RICTOR: variants seen among roughly 807,000 people sequenced by gnomAD.
The protein encoded by RICTOR is RPTOR independent companion of MTOR complex 2.
A neutral mutation model predicts 214.9 loss-of-function variants in RICTOR; 49 were observed. That is an observed-to-expected ratio of 0.23 (90% CI 0.18 to 0.29). RICTOR has a LOEUF of 0.29. Among genes scored for constraint, RICTOR ranks in the 10% least tolerant of loss-of-function variants. The probability of loss-of-function intolerance (pLI) is 1.00; values close to 1 mark genes in which losing one functional copy is unlikely to be tolerated. For missense variants in RICTOR, 1,625 were observed against 2,047.0 expected, an observed-to-expected ratio of 0.79 and a Z score of 3.98; for synonymous variants, 717 against 711.3, an observed-to-expected ratio of 1.01 and a Z score of -0.13.
chr5:39,032,171 T>C (rs892015704), intron 2 of RICTOR, among the ~76,000 whole-genome samples: 8 of 152,172 alleles, frequency 5.3e-5, no homozygotes, highest in Admixed American at 3.3e-4. Flanking sequence ...AAATAGAACA[T>C]TTTTTCTTTA....
intron 2 of RICTOR, among the ~76,000 whole-genome samples, chr5:39,069,371 A>T (rs947568848): frequency 1.3e-5 from 2 of 152,240 alleles, no homozygotes; most frequent in Non-Finnish European, 2.9e-5. Context: ...TTGCTTGCTG[A>T]ACATGAGAAA....
chr5:39,035,838 G>C (rs1432700284), intron 2 of RICTOR, among the ~76,000 whole-genome samples: 3 of 152,200 alleles, frequency 2.0e-5, no homozygotes, highest in African/African-American at 4.8e-5. Context: ...ATCTACGTCT[G>C]ATTGTTGTAC....
At chr5:39,030,071 T>C (rs1273024861) in intron 2 of RICTOR, among the ~76,000 whole-genome samples, 1 of 152,152 alleles carries the variant, frequency 6.6e-6, no homozygotes, top group African/African-American at 2.4e-5. Flanking sequence ...ACATTAGATA[T>C]TCCATATAGA....
At chr5:39,061,704 TA>T (rs1369253571) in intron 2 of RICTOR, among the ~76,000 whole-genome samples, 3 of 151,924 alleles carry the variant, frequency 2.0e-5, no homozygotes, top group Non-Finnish European at 2.9e-5. Flanking sequence ...GTTTTTTTAG[TA>T]AAACAAAATA....
chr5:39,072,504 G>C (rs915308418), intron 2 of RICTOR, among the ~76,000 whole-genome samples: 5 of 152,146 alleles, frequency 3.3e-5, no homozygotes, highest in Admixed American at 3.3e-4. Flanking sequence ...TTAAACTCAA[G>C]TTTATTAAGG....
At chr5:39,026,773 C>T (rs780003604) in intron 2 of RICTOR, among the ~76,000 whole-genome samples, 4 of 151,656 alleles carry the variant, frequency 2.6e-5, no homozygotes, top group Non-Finnish European at 4.4e-5. Context: ...TTTGGGAGGC[C>T]GAGGTGGGTG....
chr5:38,957,233 T>C (rs1749334203), intron 25 of RICTOR, among the ~76,000 whole-genome samples: 1 of 152,176 alleles, frequency 6.6e-6, no homozygotes, highest in African/African-American at 2.4e-5. Context: ...AAGTAAAGTT[T>C]AACTAAATGA....
intron 17 of RICTOR, 33 bp downstream of exon 17, chr5:38,962,843 T>C: frequency 1.3e-6 from 2 of 1,566,022 alleles, no homozygotes; most frequent in Non-Finnish European, 1.8e-6. Context: ...AGATGTTGTG[T>C]TTAAGATGAA....
intron 31 of RICTOR, chr5:38,949,397 TCCC>T (rs1579877656): frequency 3.8e-6 from 6 of 1,592,140 alleles, no homozygotes; most frequent in South Asian, 1.1e-5. Context: ...AGCTCCTGAT[TCCC>T]CCGACATGCT....
chr5:38,944,836 T>C, intron 35 of RICTOR, 77 bp downstream of exon 35: 1 of 1,382,260 alleles, frequency 7.2e-7, no homozygotes, highest in Non-Finnish European at 1.0e-6. Context: ...ATTTACAGTA[T>C]TTACGAAAAA....
chr5:38,987,167 A>G (rs766640903), intron 7 of RICTOR, among the ~76,000 whole-genome samples: 15 of 152,066 alleles, frequency 9.9e-5, no homozygotes, highest in Non-Finnish European at 1.8e-4. Context: ...TTCATCAGGG[A>G]TATTAGCCTG....
rs562054105 is a variant in RICTOR, at chr5:39,004,991, G to A, written c.196-1369C>T. On this transcript the variant is annotated intron_variant, in intron 3 of 37. Transcript: ENST00000357387. ...AGACAGGGTTTCTCCATGTTGGTCA[G>A]GCTGGTCTCAAACTCCCGACCTCAG... 1.1e-4 allele frequency among the ~76,000 whole-genome samples: 17 copies of A among 152,182 alleles called. No individual in the cohort carries two copies. The East Asian group carries it at 3.3e-3, about 30-fold the overall frequency.
At chr5:38,946,821 T>C (rs1363788162) in intron 32 of RICTOR, among the ~76,000 whole-genome samples, 2 of 152,184 alleles carry the variant, frequency 1.3e-5, no homozygotes, top group Non-Finnish European at 2.9e-5. Flanking sequence ...TTTAGTACTA[T>C]ATACCATCTA....
In RICTOR at chr5:38,950,734, A is replaced by G. The variant is rs1748699441; in HGVS notation, c.3128-14T>C. 2.0e-6 allele frequency: 3 copies of G among 1,536,874 alleles called. No individual in the cohort carries two copies. Among genetic ancestry groups the G allele is most frequent in the African/African-American group, 2.8e-5 (2 of 71,776 alleles). Reference sequence around the variant, plus strand: ...ATATGAACATACCTATGATTGAAGGATCAATTAATAAAAACACATATAAAA... The same window carrying G: ...ATATGAACATACCTATGATTGAAGGGTCAATTAATAAAAACACATATAAAA... On this transcript the variant is annotated splice_polypyrimidine_tract_variant and intron_variant, in intron 30 of 37. Transcript: ENST00000357387.
At position 38,942,074 on chromosome 5, in the gene RICTOR, CTG is replaced by C. The variant is rs1260584846; in HGVS notation, c.*228_*229del. On this transcript the variant is annotated 3_prime_UTR_variant, in exon 38 of 38. Transcript: ENST00000357387. ...ACAATGGTAACTGAAACTCTTAAAA[CTG>C]TGGTAATGAATCATGAACCCCTCAA... 1 of 374,070 alleles carries C rather than the reference CTG, an allele frequency of 2.7e-6. No homozygotes were observed. The highest frequency in any genetic ancestry group is 3.8e-5 in the East Asian group (1 of 26,072). The allele number at this position is 374,070 out of a possible 1,614,324, so 23.2% of individuals were successfully genotyped here.
At chr5:39,032,056 G>A (rs865995473) in intron 2 of RICTOR, among the ~76,000 whole-genome samples, 1 of 152,306 alleles carries the variant, frequency 6.6e-6, no homozygotes. Flanking sequence ...GAGAAAGGCT[G>A]TATCCCAAGG....
At chr5:39,020,901 C>T (rs1755371920) in intron 3 of RICTOR, 138 bp downstream of exon 3, 1 of 608,710 alleles carries the variant, frequency 1.6e-6, no homozygotes, top group Non-Finnish European at 3.0e-6. Context: ...TGGACAAAAT[C>T]CATGAGAAGC....
intron 2 of RICTOR, among the ~76,000 whole-genome samples, chr5:39,047,720 C>T (rs936060597): frequency 2.6e-5 from 4 of 152,108 alleles, no homozygotes; most frequent in South Asian, 2.1e-4. Flanking sequence ...GTTTAGGTCA[C>T]GTCAGTTTTA....
At chr5:39,064,997 T>C (rs984046851) in intron 2 of RICTOR, among the ~76,000 whole-genome samples, 5 of 152,204 alleles carry the variant, frequency 3.3e-5, no homozygotes, top group African/African-American at 1.2e-4. Flanking sequence ...GGACTTCAAC[T>C]TCAATGCAAC....
Sources: allele counts gnomAD v4.1 joint callset (sites outside exome capture counted in the v4.1 genomes callset), GRCh38; gene constraint gnomAD v4.1.1; transcripts MANE v1.5; gene names NCBI Gene and HGNC (gene_info 2026-07-23, HGNC 2026-07-21).